THRAP3: variants seen among roughly 807,000 people sequenced by gnomAD.
THRAP3 encodes the protein thyroid hormone receptor associated protein 3.
A neutral mutation model predicts 101.0 loss-of-function variants in THRAP3; 16 were observed. That is an observed-to-expected ratio of 0.16 (90% CI 0.11 to 0.24). The LOEUF (loss-of-function observed/expected upper bound fraction) is 0.24, where lower values mean the gene tolerates loss of function less well. THRAP3 is among the 10% of genes least tolerant of loss of function. The pLI, the probability that THRAP3 is intolerant of heterozygous loss-of-function variation, is 1.00. For synonymous variants in THRAP3, 407 were observed against 422.6 expected (o/e 0.96, Z 0.45); for missense variants, 989 against 1,202.7 (o/e 0.82, Z 2.63).
the THRAP3 span, among the ~76,000 whole-genome samples, chr1:36,208,966 CTTTTTTTTTTTT>C: frequency 0.066 from 3,437 of 52,326 alleles, 104 homozygotes; most frequent in Middle Eastern, 0.17. Flanking sequence ...CATGTCCAGC[CTTTTTTTTTTTT>C]TTTTTTTTTT....
At chr1:36,288,141 GTTTTA>G (rs1645819116) in intron 4 of THRAP3, 1 of 980,884 alleles carries the variant, frequency 1.0e-6, no homozygotes, top group Non-Finnish European at 1.2e-6. Context: ...CAGTAAGTCT[GTTTTA>G]TTTTATTTAT....
At chr1:36,280,859 A>G (rs1008891723) in intron 2 of THRAP3, among the ~76,000 whole-genome samples, 3 of 152,282 alleles carry the variant, frequency 2.0e-5, no homozygotes, top group South Asian at 2.1e-4. Flanking sequence ...GGAGGGGGAA[A>G]AAAGGAAAAA....
At chr1:36,272,177 C>A (rs1482179381) in intron 2 of THRAP3, among the ~76,000 whole-genome samples, 2 of 152,190 alleles carry the variant, frequency 1.3e-5, no homozygotes, top group East Asian at 3.8e-4. Context: ...TCACCACGCC[C>A]AGCCTGTATC....
In THRAP3 at chr1:36,287,136, C is replaced by G; in HGVS notation, c.906C>G (p.Phe302Leu). The change falls in exon 4 of 12, where the codon TTC (phenylalanine) becomes TTG (leucine). Residue 302 changes from phenylalanine (F) to leucine (L), a missense_variant. By Grantham distance (22) the Phe-to-Leu change is conservative. Coordinates refer to ENST00000354618, the MANE Select transcript of THRAP3 (RefSeq NM_005119.4). Reference sequence around the variant, plus strand: ...AGTCTGGGACACACCAAGGTCAGTTCGACCATGGTTCTGGGTCCCTGAGTC... The same window carrying G: ...AGTCTGGGACACACCAAGGTCAGTTGGACCATGGTTCTGGGTCCCTGAGTC... ...GYQSGTHQGQ[F>L]DHGSGSLSPS... 1 of 1,614,160 alleles carries G rather than the reference C, an allele frequency of 6.2e-7. No individual in the cohort carries two copies. The highest frequency in any genetic ancestry group is 8.5e-7 in the Non-Finnish European group (1 of 1,180,042).
intron 8 of THRAP3, chr1:36,294,175 A>C: frequency 7.9e-7 from 1 of 1,262,856 alleles, no homozygotes; most frequent in Non-Finnish European, 1.0e-6. Context: ...TTGAGAAAAA[A>C]AAGAGAGGAG....
chr1:36,210,152 G>A, the THRAP3 span, among the ~76,000 whole-genome samples: 1 of 149,446 alleles, frequency 6.7e-6, no homozygotes, highest in Non-Finnish European at 1.5e-5. Flanking sequence ...GGATCACAAG[G>A]TCAGAAGATC....
At chr1:36,239,745 AG>A (rs1353617304) in intron 1 of THRAP3, among the ~76,000 whole-genome samples, 57 of 152,234 alleles carry the variant, frequency 3.7e-4, no homozygotes, top group Non-Finnish European at 6.9e-4. Context: ...ACAATTGTAC[AG>A]TACAGTGAGA....
At chr1:36,297,444 A>AT (rs764365723) in intron 9 of THRAP3, among the ~76,000 whole-genome samples, 10,158 of 122,284 alleles carry the variant, frequency 0.083, 592 homozygotes, top group East Asian at 0.11. Flanking sequence ...GCTGGCAAGC[A>AT]TTTTTTTTTT....
At chr1:36,211,136 C>T in the THRAP3 span, among the ~76,000 whole-genome samples, 4 of 151,570 alleles carry the variant, frequency 2.6e-5, no homozygotes, top group Admixed American at 2.6e-4. Context: ...TCACTTGAGC[C>T]CAGGATTGAG....
chr1:36,233,155 A>G lies in THRAP3; in HGVS notation c.-135+8650A>G, dbSNP rs545392957. 4.1e-5 allele frequency among the ~76,000 whole-genome samples: 6 copies of G among 148,120 alleles called. No individual in the cohort carries two copies. The South Asian group carries it at 1.4e-3, about 33-fold the overall frequency. ...AGTGCTGGGATTACAGGCGTGAGCC[A>G]CTGCACCTGGCCATCGAACTGTATT... On this transcript the variant is annotated intron_variant, in intron 1 of 11. Transcript: ENST00000354618.
intron 1 of THRAP3, among the ~76,000 whole-genome samples, chr1:36,229,427 TTTTTTTTTTG>T (rs1645001553): frequency 2.5e-4 from 25 of 101,694 alleles, no homozygotes; most frequent in Admixed American, 1.1e-3. Context: ...TTTTTTGTTT[TTTTTTTTTTG>T]AGAATAAGTA....
At chr1:36,264,013 T>C (rs972838342) in intron 2 of THRAP3, among the ~76,000 whole-genome samples, 1 of 152,240 alleles carries the variant, frequency 6.6e-6, no homozygotes, top group Non-Finnish European at 1.5e-5. Flanking sequence ...TTTATTGCTG[T>C]GTAGGAAGAT....
At chr1:36,275,705 A>G (rs552638059) in intron 2 of THRAP3, among the ~76,000 whole-genome samples, 1 of 151,134 alleles carries the variant, frequency 6.6e-6, no homozygotes, top group South Asian at 2.1e-4. Flanking sequence ...AAATGGTGCT[A>G]GATCTAGATA....
At chr1:36,269,070 A>G (rs4501803) in intron 2 of THRAP3, among the ~76,000 whole-genome samples, 143,652 of 152,024 alleles carry the variant, frequency 0.94, 68,402 homozygotes, top group Middle Eastern at 1. Flanking sequence ...AGAATTGGGT[A>G]TTTTGTCTTG....
intron 2 of THRAP3, among the ~76,000 whole-genome samples, chr1:36,276,127 G>T (rs1259318832): frequency 6.6e-6 from 1 of 151,888 alleles, no homozygotes; most frequent in African/African-American, 2.4e-5. Context: ...AAACCTGGGA[G>T]TAAATCTTTG....
At chr1:36,210,716 T>TC in the THRAP3 span, among the ~76,000 whole-genome samples, 12 of 6,584 alleles carry the variant, frequency 1.8e-3, no homozygotes, top group African/African-American at 9.8e-3. Context: ...TATATATATA[T>TC]ATATATATAT....
chr1:36,237,662 T>C (rs1270434607), intron 1 of THRAP3, among the ~76,000 whole-genome samples: 3 of 151,902 alleles, frequency 2.0e-5, no homozygotes, highest in Non-Finnish European at 2.9e-5. Context: ...TCCCAGCTAC[T>C]TGGGAGTCTG....
At chr1:36,259,693 T>C (rs1444868131) in intron 2 of THRAP3, among the ~76,000 whole-genome samples, 2 of 148,276 alleles carry the variant, frequency 1.3e-5, no homozygotes, top group African/African-American at 5.0e-5. Flanking sequence ...TTGAGCTCAG[T>C]AGTTGGAGAC....
At chr1:36,267,589 G>A (rs1469124512) in intron 2 of THRAP3, among the ~76,000 whole-genome samples, 2 of 152,106 alleles carry the variant, frequency 1.3e-5, no homozygotes, top group African/African-American at 4.8e-5. Flanking sequence ...CCAATTCCAG[G>A]GGTATTGATA....
Sources: gnomAD v4.1 joint callset for allele counts (sites outside exome capture counted in the v4.1 genomes callset) on GRCh38, gnomAD v4.1.1 for gene constraint, MANE v1.5 for transcripts, NCBI Gene and HGNC (gene_info 2026-07-23, HGNC 2026-07-21) for gene names.